The following GLB1L3 variants were observed in gnomAD, a reference collection of about 807,000 sequenced individuals.
GLB1L3 encodes the protein galactosidase beta 1 like 3.
A neutral mutation model predicts 89.5 loss-of-function variants in GLB1L3; 89 were observed. That is an observed-to-expected ratio of 0.99 (90% CI 0.84 to 1.19). GLB1L3 has a LOEUF of 1.19. Among genes scored for constraint, GLB1L3 ranks in the 50% most tolerant of loss-of-function variants. The pLI is 0.00. For synonymous variants in GLB1L3, 314 were observed against 312.3 expected (o/e 1.01, Z -0.06); for missense variants, 812 against 813.3 (o/e 1.00, Z 0.02).
At chr11:134,290,972 C>T (rs75382975) in intron 7 of GLB1L3, among the ~76,000 whole-genome samples, 5 of 152,222 alleles carry the variant, frequency 3.3e-5, no homozygotes, top group Non-Finnish European at 7.4e-5. Flanking sequence ...TCAGAACCCA[C>T]ACTCGACCGA....
At chr11:134,290,414 A>G (rs1021333593) in intron 7 of GLB1L3, among the ~76,000 whole-genome samples, 1 of 151,970 alleles carries the variant, frequency 6.6e-6, no homozygotes, top group Non-Finnish European at 1.5e-5. Context: ...CTCTACTACA[A>G]ATACAAAAAT....
Position 134,282,106 on chromosome 11 carries a change from CG to C in GLB1L3, c.518del (p.Gly173AlafsTer14). 1.3e-6 allele frequency: 2 copies of C among 1,566,320 alleles called. No individual in the cohort carries two copies. Among genetic ancestry groups the C allele is most frequent in the Non-Finnish European group, 8.7e-7 (1 of 1,152,854 alleles). ...GRYICSEMDL[G>X]GLPSWLLQDP... ...GCTACATCTGCAGTGAGATGGACCT[CG>C]GGGGCTTGCCCAGGTAAGCGGGGCT... On this transcript the variant is annotated frameshift_variant, in exon 5 of 20. Transcript: ENST00000431683. LOFTEE classifies it high-confidence loss of function.
At chr11:134,304,415 A>AT (rs560722082) in intron 9 of GLB1L3, among the ~76,000 whole-genome samples, 18 of 152,264 alleles carry the variant, frequency 1.2e-4, no homozygotes, top group African/African-American at 4.1e-4. Context: ...ATGTTAAAAA[A>AT]TTTTTTTATT....
Position 134,307,128 on chromosome 11 carries a change from A to G in GLB1L3, c.881A>G (p.Asp294Gly). 1.2e-6 allele frequency: 2 copies of G among 1,613,012 alleles called. No homozygotes were observed. Among genetic ancestry groups the G allele is most frequent in the Non-Finnish European group, 1.7e-6 (2 of 1,179,230 alleles). Residue 294 changes from aspartate (D) to glycine (G), a missense_variant, in exon 10 of 20, where the codon GAT (aspartate) becomes GGT (glycine). Coordinates refer to ENST00000431683, the MANE Select transcript of GLB1L3 (RefSeq NM_001080407.3). ...TTTGCTTTGGTTTGTTTTTAGAGAG[A>G]TAAGCCCCTTCTGATTATGGAATAC... ...TFNQLHKVQR[D>G]KPLLIMEYWV...
At chr11:134,280,826 T>C (rs1020516073) in intron 3 of GLB1L3, among the ~76,000 whole-genome samples, 1 of 152,184 alleles carries the variant, frequency 6.6e-6, no homozygotes, top group Non-Finnish European at 1.5e-5. Flanking sequence ...CACTCAAACA[T>C]GTTGCCAGTG....
At chr11:134,313,016 AG>A in intron 15 of GLB1L3, 129 bp downstream of exon 15, 1 of 744,580 alleles carries the variant, frequency 1.3e-6, no homozygotes, top group Non-Finnish European at 2.3e-6. Flanking sequence ...GGGCGGCGGC[AG>A]GAAGTGTGCA....
At chr11:134,276,135 G>A (rs1191334974), upstream of GLB1L3, 1 of 152,316 alleles carries the variant, frequency 6.6e-6, no homozygotes, top group Non-Finnish European at 1.5e-5. Context: ...CTGTGAGGCT[G>A]TGCTCGGGCC....
In GLB1L3 at chr11:134,276,493, C is replaced by T; in HGVS notation, c.-248C>T. The T allele has an allele frequency of 2.7e-6, 1 of 373,554 alleles. No homozygotes were observed. Among genetic ancestry groups the T allele is most frequent in the Non-Finnish European group, 4.7e-6 (1 of 210,892 alleles). The allele number at this position is 373,554 out of a possible 1,614,324, so 23.1% of individuals were successfully genotyped here. On this transcript the variant is annotated 5_prime_UTR_variant, in exon 1 of 20. Transcript: ENST00000431683. ...AGAGAGGCGTCCGCGCCCGGACGCA[C>T]TGCGGGAACACCTGGAGCGCCGGCG...
chr11:134,282,397 G>T (rs868514587), intron 5 of GLB1L3, among the ~76,000 whole-genome samples: 31 of 152,028 alleles, frequency 2.0e-4, no homozygotes, highest in African/African-American at 7.0e-4. Flanking sequence ...GGGTGTGCGC[G>T]GGGAGAGGTG....
chr11:134,321,034 C>G (rs1943161060), downstream of GLB1L3, among the ~76,000 whole-genome samples: 1 of 152,148 alleles, frequency 6.6e-6, no homozygotes, highest in South Asian at 2.1e-4. Flanking sequence ...GATGGAAAGT[C>G]TGACTTTTAA....
intron 9 of GLB1L3, among the ~76,000 whole-genome samples, chr11:134,304,069 G>A (rs559365649): frequency 1.1e-4 from 17 of 151,832 alleles, no homozygotes; most frequent in South Asian, 2.1e-4. Context: ...CCAGTTTGTC[G>A]GGCTTCTAGA....
intron 10 of GLB1L3, among the ~76,000 whole-genome samples, chr11:134,308,055 A>T (rs2136196905): frequency 6.6e-6 from 1 of 151,860 alleles, no homozygotes; most frequent in South Asian, 2.1e-4. Context: ...CACTATTACC[A>T]CCAATAACAC....
At chr11:134,277,522 C>T in intron 2 of GLB1L3, 71 bp downstream of exon 2, 2 of 1,578,566 alleles carry the variant, frequency 1.3e-6, no homozygotes, top group South Asian at 2.2e-5. Flanking sequence ...AATAGTATCG[C>T]GAATATGCAC....
chr11:134,320,373 G>C (rs1042465496), downstream of GLB1L3, among the ~76,000 whole-genome samples: 7 of 152,140 alleles, frequency 4.6e-5, no homozygotes, highest in Non-Finnish European at 1.0e-4. Flanking sequence ...TGGGGATCTA[G>C]CCTCAAACCT....
At chr11:134,321,334 TAGG>T (rs1943165020), downstream of GLB1L3, among the ~76,000 whole-genome samples, 2 of 151,934 alleles carry the variant, frequency 1.3e-5, no homozygotes, top group Admixed American at 6.5e-5. Context: ...CTAAAAAAAT[TAGG>T]AGGATAAATA....
In GLB1L3 at chr11:134,313,380, T is replaced by C; in HGVS notation, c.1501-16T>C. 6.4e-7 allele frequency: 1 copy of C among 1,566,538 alleles called. No individual in the cohort carries two copies. Among genetic ancestry groups the C allele is most frequent in the East Asian group, 2.4e-5 (1 of 42,228 alleles). On this transcript the variant is annotated splice_polypyrimidine_tract_variant and intron_variant, in intron 15 of 19. Transcript: ENST00000431683. Reference sequence around the variant, plus strand: ...CCATGGCTGCGTGGTCTCCATGACCTGGCCTGTCCCAGCAGGACTGCCGAT... The same window carrying C: ...CCATGGCTGCGTGGTCTCCATGACCCGGCCTGTCCCAGCAGGACTGCCGAT...
At chr11:134,321,301 A>C (rs1325236184), downstream of GLB1L3, among the ~76,000 whole-genome samples, 1 of 152,248 alleles carries the variant, frequency 6.6e-6, no homozygotes, top group Admixed American at 6.5e-5. Flanking sequence ...TGTTTAAAGA[A>C]TATACATAGA....
intron 16 of GLB1L3, 73 bp downstream of exon 16, chr11:134,313,547 G>A (rs966801802): frequency 3.0e-5 from 37 of 1,239,982 alleles, no homozygotes; most frequent in Middle Eastern, 1.9e-4. Flanking sequence ...AGTCGGGGGC[G>A]GGAGAGGGTG....
intron 10 of GLB1L3, among the ~76,000 whole-genome samples, chr11:134,309,165 A>G (rs1371503229): frequency 6.6e-6 from 1 of 152,218 alleles, no homozygotes; most frequent in African/African-American, 2.4e-5. Context: ...TTAGGTTATT[A>G]TTTAATAGAT....
Sources: allele counts gnomAD v4.1 joint callset (sites outside exome capture counted in the v4.1 genomes callset), GRCh38; gene constraint gnomAD v4.1.1; transcripts MANE v1.5; gene names NCBI Gene and HGNC (gene_info 2026-07-23, HGNC 2026-07-21).